The following PSEN2 variants were observed in gnomAD, a reference collection of about 807,000 sequenced individuals.
PSEN2 encodes the protein presenilin-2.
A neutral mutation model predicts 49.1 loss-of-function variants in PSEN2; 32 were observed. The ratio of observed to expected loss-of-function variants is 0.65; its 90% CI spans 0.49 to 0.88. The LOEUF is 0.88. Ranked by LOEUF, PSEN2 falls within the 40% of genes least tolerant of loss-of-function variation. The probability of loss-of-function intolerance (pLI) is 0.00; values close to 1 mark genes in which losing one functional copy is unlikely to be tolerated. For synonymous variants in PSEN2, 255 were observed against 244.0 expected, an observed-to-expected ratio of 1.05 and a Z score of -0.42; for missense variants, 522 against 586.9, an observed-to-expected ratio of 0.89 and a Z score of 1.14.
downstream of PSEN2, among the ~76,000 whole-genome samples, chr1:226,896,802 AAT>A (rs1317623113): frequency 6.6e-6 from 1 of 152,128 alleles, no homozygotes; most frequent in Non-Finnish European, 1.5e-5. Context: ...CTGAGGCTGC[AAT>A]GAGCCGAGAT....
At chr1:226,898,413 C>T (rs1468819246), downstream of PSEN2, 2 of 152,156 alleles carry the variant, frequency 1.3e-5, no homozygotes, top group African/African-American at 4.8e-5. Flanking sequence ...TTGGAATTCC[C>T]CCAATTGACT....
chr1:226,880,582 A>G (rs200819815), intron 3 of PSEN2: 3 of 1,609,162 alleles, frequency 1.9e-6, no homozygotes, highest in Non-Finnish European at 2.5e-6. Context: ...GCGATCACTC[A>G]GCCTCTGGAC....
At chr1:226,890,537 A>G (rs1661674093) in intron 9 of PSEN2, 1 of 309,454 alleles carries the variant, frequency 3.2e-6, no homozygotes, top group South Asian at 3.0e-5. Context: ...GCTGATTGGC[A>G]TTAATCCTAA....
chr1:226,901,424 G>A (rs565838760), downstream of PSEN2, among the ~76,000 whole-genome samples: 28 of 109,990 alleles, frequency 2.5e-4, no homozygotes, highest in South Asian at 3.4e-3. Flanking sequence ...TGACAAAAGC[G>A]AAACTGTCTC....
rs1315453492 is a variant in PSEN2 at position 226,890,254 on chromosome 1, A to G, written c.886+121A>G. 1.1e-5 allele frequency: 9 copies of G among 823,664 alleles called. No individual in the cohort carries two copies. The Admixed American group carries it at 1.6e-4, about 15-fold the overall frequency. The allele number at this position is 823,664 out of a possible 1,614,324, so 51.0% of individuals were successfully genotyped here. A position where few individuals can be genotyped will look rare whatever the true frequency, so the allele number is the denominator to read the frequency against. On this transcript the variant is annotated intron_variant, in intron 9 of 12. Transcript: ENST00000366783. ...ACTGGGCGATCCCAGGAGGGTCTCCACTTTCAGAAGCCAGGGAGGGCAGTA... is the reference window on the plus strand; with the variant it reads ...ACTGGGCGATCCCAGGAGGGTCTCCGCTTTCAGAAGCCAGGGAGGGCAGTA...
chr1:226,882,064 A>G lies in PSEN2; in HGVS notation c.141+16A>G. 1 of 1,613,626 alleles carries G rather than the reference A, an allele frequency of 6.2e-7. No homozygotes were observed. The highest frequency in any genetic ancestry group is 2.2e-5 in the East Asian group (1 of 44,884). Reference sequence around the variant, plus strand: ...TGCCCAGTGGGTAGGTCCCACCAGCAGCTGGGGGCCTTCAAACAGGTCCCT... The same window carrying G: ...TGCCCAGTGGGTAGGTCCCACCAGCGGCTGGGGGCCTTCAAACAGGTCCCT... On this transcript the variant is annotated intron_variant, in intron 4 of 12. Transcript: ENST00000366783.
chr1:226,887,837 G>T (rs972647911), intron 6 of PSEN2, among the ~76,000 whole-genome samples: 4 of 152,124 alleles, frequency 2.6e-5, no homozygotes, highest in African/African-American at 9.7e-5. Flanking sequence ...AGTAGAGATG[G>T]GGGGAGACCG....
At chr1:226,882,930 G>T (rs546014559) in intron 4 of PSEN2, among the ~76,000 whole-genome samples, 221 of 152,310 alleles carry the variant, frequency 1.5e-3, no homozygotes, top group African/African-American at 5.0e-3. Flanking sequence ...GCAGAGAACC[G>T]GTACTGAAGC....
At position 226,881,952 on chromosome 1, in the gene PSEN2, T is replaced by A; in HGVS notation, c.45T>A (p.Asp15Glu). ...CTGACAGCGAGGAAGAAGTGTGTGA[T>A]GAGCGGACGTCCCTAATGTCGGCTG... Reference protein sequence around the residue: ...MASDSEEEVCDERTSLMSAES... With the variant: ...MASDSEEEVCEERTSLMSAES... Residue 15 changes from aspartate to glutamate, a missense_variant, in exon 4 of 13, where the codon GAT becomes GAA. Asp to Glu is a conservative substitution (Grantham distance 45). Coordinates refer to ENST00000366783, the MANE Select transcript of PSEN2 (RefSeq NM_000447.3). The A allele has an allele frequency of 6.2e-7, 1 of 1,614,124 alleles. No individual in the cohort carries two copies. Among genetic ancestry groups the A allele is most frequent in the Non-Finnish European group, 8.5e-7 (1 of 1,179,982 alleles).
intron 10 of PSEN2, among the ~76,000 whole-genome samples, 159 bp downstream of exon 10, chr1:226,891,520 T>G (rs1053410178): frequency 3.3e-5 from 5 of 152,142 alleles, no homozygotes; most frequent in Non-Finnish European, 7.4e-5. Context: ...GCTTGAAGAT[T>G]CAGCAAGTGT....
chr1:226,875,342 A>C (rs960447136), intron 2 of PSEN2, 23 bp from the exon 3 acceptor site: 3 of 152,340 alleles, frequency 2.0e-5, no homozygotes, highest in African/African-American at 7.2e-5. Flanking sequence ...ACCTGACCTT[A>C]GCAAACTCTT....
intron 12 of PSEN2, 55 bp from the exon 13 acceptor site, chr1:226,895,369 A>T: frequency 6.2e-7 from 1 of 1,604,814 alleles, no homozygotes; most frequent in Non-Finnish European, 8.5e-7. Context: ...CATGACTCAC[A>T]GCTCCTGTCC....
chr1:226,882,972 CT>C (rs1440729624), intron 4 of PSEN2, among the ~76,000 whole-genome samples: 1 of 152,094 alleles, frequency 6.6e-6, no homozygotes, highest in Non-Finnish European at 1.5e-5. Context: ...TTTCATTTGG[CT>C]TTTTCTTTAG....
chr1:226,879,984 C>T (rs1014256631), intron 3 of PSEN2, among the ~76,000 whole-genome samples: 12 of 152,170 alleles, frequency 7.9e-5, no homozygotes, highest in African/African-American at 2.4e-4. Context: ...AGGCCATAGC[C>T]GGGGTTGCTG....
chr1:226,888,685 T>G, intron 7 of PSEN2, 144 bp from the exon 8 acceptor site: 1 of 776,802 alleles, frequency 1.3e-6, no homozygotes. Flanking sequence ...TAGAAAATGC[T>G]GCAAATGGTA....
chr1:226,903,646 A>G (rs1467679072), intron 12 of PSEN2: 1 of 151,998 alleles, frequency 6.6e-6, no homozygotes, highest in African/African-American at 2.4e-5. Flanking sequence ...TTACTCCCCT[A>G]TTAAAAAAAC....
downstream of PSEN2, among the ~76,000 whole-genome samples, chr1:226,900,918 G>C (rs986787628): frequency 2.0e-5 from 3 of 152,090 alleles, no homozygotes; most frequent in Admixed American, 6.5e-5. Context: ...TTCAATTCTC[G>C]TAACAATAGG....
chr1:226,892,829 G>A (rs776497479), intron 11 of PSEN2, among the ~76,000 whole-genome samples: 1 of 152,142 alleles, frequency 6.6e-6, no homozygotes, highest in African/African-American at 2.4e-5. Flanking sequence ...GCTTCTGACC[G>A]GCTGCAAATT....
chr1:226,889,317 C>T (rs1233298936), intron 8 of PSEN2, among the ~76,000 whole-genome samples: 1 of 152,034 alleles, frequency 6.6e-6, no homozygotes. Flanking sequence ...TGCTCTGTCG[C>T]CCAGGCTGGA....
Sources: gnomAD v4.1 joint callset for allele counts (sites outside exome capture counted in the v4.1 genomes callset) on GRCh38, gnomAD v4.1.1 for gene constraint, MANE v1.5 for transcripts, NCBI Gene and HGNC (gene_info 2026-07-23, HGNC 2026-07-21) for gene names.